Variants in NEIL3 observed in about 807,000 individuals in gnomAD.
NEIL3 encodes the protein endonuclease 8-like 3.
Under a neutral mutation model 57.5 loss-of-function variants are expected in NEIL3, and 48 were observed. That is an observed-to-expected ratio of 0.83 (90% CI 0.66 to 1.06). The LOEUF (loss-of-function observed/expected upper bound fraction) is 1.06, where lower values mean the gene tolerates loss of function less well. Ranked by LOEUF, NEIL3 falls within the 50% of genes least tolerant of loss-of-function variation. The pLI is 0.00. For missense variants in NEIL3, 717 were observed against 739.1 expected, an observed-to-expected ratio of 0.97 and a Z score of 0.35; for synonymous variants, 261 against 253.2, an observed-to-expected ratio of 1.03 and a Z score of -0.29.
intron 2 of NEIL3, among the ~76,000 whole-genome samples, chr4:177,324,840 T>C (rs1436302998): frequency 6.6e-6 from 1 of 152,174 alleles, no homozygotes; most frequent in African/African-American, 2.4e-5. Flanking sequence ...ATTGCCAGTA[T>C]AGTGTGTGCG....
rs1360545613 is a variant in NEIL3, at chr4:177,322,526, G to T, written c.224G>T (p.Gly75Val). Reference sequence around the variant, plus strand: ...CTGTTTAATGGATATGTTTACAGTGGCGTGGAAACTTTGGGGAAGGAGCTC... The same window carrying T: ...CTGTTTAATGGATATGTTTACAGTGTCGTGGAAACTTTGGGGAAGGAGCTC... Reference protein sequence around the residue: ...LSLFNGYVYSGVETLGKELFM... With the variant: ...LSLFNGYVYSVVETLGKELFM... Residue 75 changes from glycine (G) to valine (V), a missense_variant, in exon 2 of 10, where the codon GGC (glycine) becomes GTC (valine). Gly to Val is a moderately radical substitution (Grantham distance 109). Transcript: ENST00000264596. 4 of 1,613,848 alleles carry T rather than the reference G, an allele frequency of 2.5e-6. No individual in the cohort carries two copies. The highest frequency in any genetic ancestry group is 3.4e-6 in the Non-Finnish European group (4 of 1,179,892).
chr4:177,326,789 T>C (rs1028131885), intron 2 of NEIL3, among the ~76,000 whole-genome samples: 4 of 152,182 alleles, frequency 2.6e-5, no homozygotes, highest in African/African-American at 9.7e-5. Flanking sequence ...AGTGGGTTTT[T>C]TTGGAGCTAT....
chr4:177,343,795 C>A (rs1468286263), intron 6 of NEIL3: 1 of 123,532 alleles, frequency 8.1e-6, no homozygotes, highest in African/African-American at 2.8e-5. Flanking sequence ...TATGAACATT[C>A]ATAATTTTTT....
At chr4:177,355,344 C>A (rs1560921799) in intron 8 of NEIL3, among the ~76,000 whole-genome samples, 1 of 152,152 alleles carries the variant, frequency 6.6e-6, no homozygotes, top group Non-Finnish European at 1.5e-5. Flanking sequence ...TCTGCAGATG[C>A]TCAAGTCCCT....
chr4:177,322,882 G>A (rs933190875), intron 2 of NEIL3, among the ~76,000 whole-genome samples: 2 of 152,076 alleles, frequency 1.3e-5, no homozygotes, highest in African/African-American at 2.4e-5. Flanking sequence ...TGTTTTTACC[G>A]AATGCTTATT....
At chr4:177,312,900 T>G (rs1734503323) in intron 1 of NEIL3, among the ~76,000 whole-genome samples, 1 of 152,154 alleles carries the variant, frequency 6.6e-6, no homozygotes, top group Admixed American at 6.5e-5. Context: ...TTTGTAAACA[T>G]GAAGAGTCTT....
chr4:177,342,048 A>G (rs997109632), intron 6 of NEIL3, among the ~76,000 whole-genome samples: 1 of 152,210 alleles, frequency 6.6e-6, no homozygotes, highest in African/African-American at 2.4e-5. Flanking sequence ...ATAATAGACC[A>G]CTTACTAAAC....
chr4:177,350,547 G>C (rs889553796), intron 6 of NEIL3, among the ~76,000 whole-genome samples: 8 of 152,130 alleles, frequency 5.3e-5, no homozygotes, highest in African/African-American at 1.9e-4. Flanking sequence ...AACACAAAGA[G>C]ATATCTTTTT....
At chr4:177,351,019 C>T (rs913289989) in intron 6 of NEIL3, among the ~76,000 whole-genome samples, 2 of 151,476 alleles carry the variant, frequency 1.3e-5, no homozygotes, top group Non-Finnish European at 2.9e-5. Context: ...ACAGCCTAGG[C>T]AACACAGCAT....
intron 2 of NEIL3, among the ~76,000 whole-genome samples, chr4:177,325,397 T>A (rs1734763157): frequency 6.6e-6 from 1 of 152,144 alleles, no homozygotes; most frequent in East Asian, 1.9e-4. Flanking sequence ...TTTCTTTTAC[T>A]AAGTAGTCTC....
chr4:177,311,158 A>G (rs1734468791), intron 1 of NEIL3, among the ~76,000 whole-genome samples: 1 of 152,170 alleles, frequency 6.6e-6, no homozygotes, highest in African/African-American at 2.4e-5. Flanking sequence ...ATTAATATTT[A>G]TGAAAATTAC....
chr4:177,360,726 G>C, intron 9 of NEIL3, 49 bp downstream of exon 9: 1 of 1,388,162 alleles, frequency 7.2e-7, no homozygotes, highest in Non-Finnish European at 9.8e-7. Flanking sequence ...AAATGCTTTG[G>C]TTATTAATGT....
chr4:177,362,251 T>G, intron 9 of NEIL3, 38 bp from the exon 10 acceptor site: 1 of 1,547,542 alleles, frequency 6.5e-7, no homozygotes, highest in Non-Finnish European at 8.8e-7. Flanking sequence ...CATGATAACT[T>G]TTGTATAAAC....
intron 6 of NEIL3, among the ~76,000 whole-genome samples, chr4:177,350,919 T>C (rs2110927382): frequency 6.6e-6 from 1 of 152,078 alleles, no homozygotes; most frequent in Non-Finnish European, 1.5e-5. Flanking sequence ...GTGAAAACAT[T>C]TTACTCTGGC....
chr4:177,341,598 C>A lies in NEIL3; in HGVS notation c.825C>A (p.Phe275Leu). ...GGGACAATAACAGAATGACATATTT[C>A]TGTCCTCACTGTCAAAAAGAAAATC... ...RFGDNNRMTYFCPHCQKENPQ... is the reference protein window; with the variant it reads ...RFGDNNRMTYLCPHCQKENPQ... The change falls in exon 6 of 10, where the codon TTC becomes TTA. Residue 275 changes from phenylalanine to leucine, a missense_variant. Physicochemically the swap from Phe to Leu is conservative, Grantham distance 22 (BLOSUM62 0). Coordinates refer to ENST00000264596, the MANE Select transcript of NEIL3 (RefSeq NM_018248.3). The A allele has an allele frequency of 1.2e-6, 2 of 1,613,332 alleles. No individual in the cohort carries two copies. Among genetic ancestry groups the A allele is most frequent in the Non-Finnish European group, 1.7e-6 (2 of 1,179,814 alleles).
chr4:177,328,999 T>G (rs1734833380), intron 2 of NEIL3, among the ~76,000 whole-genome samples: 1 of 152,180 alleles, frequency 6.6e-6, no homozygotes. Flanking sequence ...ATATACGTTT[T>G]GCATATCATT....
Position 177,310,009 on chromosome 4 carries a change from TC to T in NEIL3, c.59del (p.Pro20ArgfsTer5). 1 of 1,610,532 alleles carries T rather than the reference TC, an allele frequency of 6.2e-7. No individual in the cohort carries two copies. Among genetic ancestry groups the T allele is most frequent in the Middle Eastern group, 2.0e-4 (1 of 4,946 alleles). ...GGAGAGAAGATTCGCGCGCGGGTGC[TC>T]CCGGGCCAGGCGGTGACCGGCGTGC... ...LNGEKIRARV[L>X]PGQAVTGVRG... is the part of the protein sequence containing the mutation. On this transcript the variant is annotated frameshift_variant, in exon 1 of 10. Coordinates refer to ENST00000264596, the MANE Select transcript of NEIL3 (RefSeq NM_018248.3). LOFTEE classifies it high-confidence loss of function.
chr4:177,332,374 G>A (rs1734899887), intron 2 of NEIL3, among the ~76,000 whole-genome samples: 1 of 152,116 alleles, frequency 6.6e-6, no homozygotes, highest in Non-Finnish European at 1.5e-5. Flanking sequence ...GGGCTGGGTG[G>A]CCGAAGGGTT....
At chr4:177,350,673 A>G (rs114338657) in intron 6 of NEIL3, among the ~76,000 whole-genome samples, 2,854 of 152,250 alleles carry the variant, frequency 0.019, 89 homozygotes, top group African/African-American at 0.065. Flanking sequence ...ACATCTTTCA[A>G]TCCTCTAATT....
Sources: allele counts gnomAD v4.1 joint callset (sites outside exome capture counted in the v4.1 genomes callset), GRCh38; gene constraint gnomAD v4.1.1; transcripts MANE v1.5; gene names NCBI Gene and HGNC (gene_info 2026-07-23, HGNC 2026-07-21).